Variants in SFXN2 observed in about 807,000 individuals in gnomAD.
SFXN2 encodes the protein sideroflexin-2.
SFXN2 carries 37 observed loss-of-function variants against 41.9 expected under a neutral mutation model. The observed-to-expected ratio is 0.88, with a 90% CI of 0.68 to 1.16. SFXN2 has a LOEUF of 1.16. Ranked by LOEUF, SFXN2 falls within the 50% of genes most tolerant of loss-of-function variation. SFXN2 has a pLI of 0.00. For synonymous variants in SFXN2, 150 were observed against 156.7 expected (o/e 0.96, Z 0.32); for missense variants, 386 against 425.2 (o/e 0.91, Z 0.81).
intron 8 of SFXN2, 56 bp from the exon 9 acceptor site, chr10:102,732,803 G>A (rs761786215): frequency 6.3e-7 from 1 of 1,583,098 alleles, no homozygotes; most frequent in African/African-American, 1.3e-5. Flanking sequence ...ACTTCAGAAG[G>A]AGTCCTGGGG....
intron 3 of SFXN2, 139 bp from the exon 4 acceptor site, chr10:102,728,292 C>A (rs751552255): frequency 6.6e-5 from 42 of 632,998 alleles, no homozygotes; most frequent in Non-Finnish European, 1.0e-4. Flanking sequence ...GAGTGAGACT[C>A]CGTCTCAAAA....
At position 102,726,701 on chromosome 10, in the gene SFXN2, GGA is replaced by G; in HGVS notation, c.69_70del (p.Arg23SerfsTer17). On this transcript the variant is annotated frameshift_variant, in exon 2 of 12. Transcript: ENST00000369893. LOFTEE classifies it high-confidence loss of function. ...CGTTGGGACCAGCGCACCTTCCTGG[GGA>G]GAGTGAAGCACTTCCTAAACATCAC... 1.2e-6 allele frequency: 2 copies of G among 1,614,228 alleles called. No homozygotes were observed. The highest frequency in any genetic ancestry group is 8.5e-7 in the Non-Finnish European group (1 of 1,180,044).
chr10:102,717,730 G>T (rs2064438096), intron 1 of SFXN2: 1 of 984,728 alleles, frequency 1.0e-6, no homozygotes, highest in Non-Finnish European at 1.2e-6. Context: ...CTTAAAAGAG[G>T]TGACATCCTT....
intron 11 of SFXN2, among the ~76,000 whole-genome samples, chr10:102,736,781 C>G (rs1590157060): frequency 6.6e-6 from 1 of 151,634 alleles, no homozygotes; most frequent in African/African-American, 2.4e-5. Flanking sequence ...GAAATCCTGA[C>G]CTCAGGTGAT....
At chr10:102,716,190 C>T (rs2064409559) in intron 1 of SFXN2, 1 of 152,030 alleles carries the variant, frequency 6.6e-6, no homozygotes, top group Non-Finnish European at 1.5e-5. Flanking sequence ...ACCCATAAGC[C>T]TATACCTGGG....
rs1228617307 is a variant in SFXN2 at position 102,737,595 on chromosome 10, T to C, written c.870-68T>C. On this transcript the variant is annotated intron_variant, in intron 11 of 11. Coordinates refer to ENST00000369893, the MANE Select transcript of SFXN2 (RefSeq NM_178858.6). Reference sequence around the variant, plus strand: ...AATCAGGAGGGCTTCTTGGAGGTGATATTCATCTGAGGGTAACTTACTGCT... The same window carrying C: ...AATCAGGAGGGCTTCTTGGAGGTGACATTCATCTGAGGGTAACTTACTGCT... 7 of 983,956 alleles carry C rather than the reference T, an allele frequency of 7.1e-6. No homozygotes were observed. In the African/African-American group the frequency reaches 9.6e-5, roughly 14 times the overall value. 61.0% of individuals were successfully genotyped at this position (983,956 alleles called of 1,614,324 possible). A position where few individuals can be genotyped will look rare whatever the true frequency, so the allele number is the denominator to read the frequency against.
intron 9 of SFXN2, 149 bp from the exon 10 acceptor site, chr10:102,733,405 C>T (rs1348583414): frequency 3.1e-6 from 2 of 638,360 alleles, no homozygotes; most frequent in Non-Finnish European, 5.7e-6. Flanking sequence ...ATCTCGGTCT[C>T]CCAAAGTGCT....
chr10:102,722,010 G>T (rs1463678579), intron 1 of SFXN2, among the ~76,000 whole-genome samples: 1 of 152,112 alleles, frequency 6.6e-6, no homozygotes, highest in Non-Finnish European at 1.5e-5. Context: ...TTCTTGCCTG[G>T]ATTACTGGGG....
At chr10:102,715,893 T>G (rs1436640095) in intron 1 of SFXN2, among the ~76,000 whole-genome samples, 6 of 144,398 alleles carry the variant, frequency 4.2e-5, no homozygotes, top group Non-Finnish European at 7.5e-5. Context: ...ATCACATCAC[T>G]GTACTCCAGC....
In SFXN2 at chr10:102,733,597, G is replaced by A. The variant is rs1441188007; in HGVS notation, c.815G>A (p.Gly272Glu). ...GCCCCATTGCAGGTCATGCTGAGCG[G>A]GTGCTTGTAAGTATCATATTTTGAT... ...LHAPLQVMLS[G>E]CFLIFMVPVA... The change falls in exon 10 of 12, where the codon GGG (glycine) becomes GAG (glutamate). Residue 272 changes from glycine (G) to glutamate (E), a missense_variant. Coordinates refer to ENST00000369893, the MANE Select transcript of SFXN2 (RefSeq NM_178858.6). The A allele has an allele frequency of 3.1e-6, 5 of 1,613,996 alleles. No homozygotes were observed. Among genetic ancestry groups the A allele is most frequent in the Non-Finnish European group, 4.2e-6 (5 of 1,179,858 alleles).
At chr10:102,729,664 C>G in intron 5 of SFXN2, 59 bp from the exon 6 acceptor site, 1 of 1,535,148 alleles carries the variant, frequency 6.5e-7, no homozygotes, top group Non-Finnish European at 9.0e-7. Flanking sequence ...CGTTCAGCCC[C>G]CTCCCCTCCC....
chr10:102,735,089 G>A (rs780408341), intron 10 of SFXN2, among the ~76,000 whole-genome samples: 25 of 98,814 alleles, frequency 2.5e-4, no homozygotes, highest in Non-Finnish European at 4.2e-4. Context: ...ACTCCAAAGT[G>A]CCCCTCCCCA....
chr10:102,737,240 CA>C (rs1376723119), intron 11 of SFXN2, among the ~76,000 whole-genome samples: 1 of 151,930 alleles, frequency 6.6e-6, no homozygotes, highest in Admixed American at 6.6e-5. Flanking sequence ...TTTGTGTGTC[CA>C]AGAAGGAGGA....
chr10:102,716,562 C>CTTTTTTTTTTTT (rs567284795), intron 1 of SFXN2: 2 of 88,002 alleles, frequency 2.3e-5, no homozygotes, highest in East Asian at 3.2e-4. Flanking sequence ...TCTTTCTTTC[C>CTTTTTTTTTTTT]TTTTTTTTTT....
intron 6 of SFXN2, among the ~76,000 whole-genome samples, chr10:102,731,378 C>G (rs2064701772): frequency 6.6e-6 from 1 of 151,820 alleles, no homozygotes; most frequent in Non-Finnish European, 1.5e-5. Context: ...TCATTTAATC[C>G]TTACCAGGTC....
rs1392665506 is a variant in SFXN2 at position 102,721,468 on chromosome 10, A to G, written c.-25-5144A>G. On this transcript the variant is annotated intron_variant, in intron 1 of 11. Coordinates refer to ENST00000369893, the MANE Select transcript of SFXN2 (RefSeq NM_178858.6). ...GTTATATATTTATATATGATTTTAT[A>G]TAGCTATATGAATTATTTATGTTTA... Among the ~76,000 whole-genome samples the G allele has an allele frequency of 2.7e-5, 4 of 148,532 alleles. No homozygotes were observed. The South Asian group carries it at 6.3e-4, about 23-fold the overall frequency.
chr10:102,730,353 G>A (rs2064683290), intron 6 of SFXN2, among the ~76,000 whole-genome samples: 1 of 152,164 alleles, frequency 6.6e-6, no homozygotes, highest in South Asian at 2.1e-4. Flanking sequence ...TTTTAATGAT[G>A]TAATATATGT....
chr10:102,732,768 A>T (rs774363963), intron 8 of SFXN2, 91 bp from the exon 9 acceptor site: 65 of 1,301,762 alleles, frequency 5.0e-5, no homozygotes, highest in Non-Finnish European at 7.1e-5. Context: ...GCTGAAGGAG[A>T]GGGAACCACT....
In SFXN2 at chr10:102,729,435, G is replaced by A. The variant is rs1208004689; in HGVS notation, c.507+41G>A. 5 of 1,606,072 alleles carry A rather than the reference G, an allele frequency of 3.1e-6. No individual in the cohort carries two copies. The East Asian group carries it at 1.1e-4, about 36-fold the overall frequency. Reference sequence around the variant, plus strand: ...GCTGCAGCATGGTGGCCACGCGGGGGCAGCAGAGTCCTAGGGAAAACGTCC... The same window carrying A: ...GCTGCAGCATGGTGGCCACGCGGGGACAGCAGAGTCCTAGGGAAAACGTCC... On this transcript the variant is annotated intron_variant, in intron 5 of 11. Transcript: ENST00000369893.
Sources: allele counts gnomAD v4.1 joint callset (sites outside exome capture counted in the v4.1 genomes callset), GRCh38; gene constraint gnomAD v4.1.1; transcripts MANE v1.5; gene names NCBI Gene and HGNC (gene_info 2026-07-23, HGNC 2026-07-21).